PXN: variants seen among roughly 807,000 people sequenced by gnomAD.
PXN encodes the protein paxillin.
A neutral mutation model predicts 103.6 loss-of-function variants in PXN; 61 were observed. That is an observed-to-expected ratio of 0.59 (90% CI 0.48 to 0.73). PXN has a LOEUF of 0.73. PXN is among the 30% of genes least tolerant of loss of function. The pLI is 0.00. For missense variants in PXN, 1,274 were observed against 1,460.3 expected, an observed-to-expected ratio of 0.87 and a Z score of 2.08; for synonymous variants, 562 against 607.8, an observed-to-expected ratio of 0.92 and a Z score of 1.11.
chr12:120,224,354 A>G lies in PXN; in HGVS notation c.37T>C (p.Ser13Pro), dbSNP rs1194180126. 6.2e-7 allele frequency: 1 copy of G among 1,613,638 alleles called. No individual in the cohort carries two copies. Among genetic ancestry groups the G allele is most frequent in the African/African-American group, 1.3e-5 (1 of 74,852 alleles). Reference protein sequence around the residue: ...DLDALLADLESTTSHISKRPV... With the variant: ...DLDALLADLEPTTSHISKRPV... ...CGTTTGGAGATGTGGGAGGTGGTAG[A>G]CTCCAAGTCCGCCAGCAGGGCGTCT... The change falls in exon 2 of 15, where the codon TCT becomes CCT. Residue 13 changes from serine to proline, a missense_variant. Physicochemically the swap from Ser to Pro is moderately conservative, Grantham distance 74. This residue lies in a region of PXN where 1,178 missense variants were observed against 1,309.0 expected (regional missense o/e 0.90). Transcript: ENST00000637617. This position sits in a 1 kb window ranked among gnomAD's most constrained non-coding sequence, Gnocchi z 5.0.
At chr12:120,236,233 C>G (rs1366022194) in intron 1 of PXN, among the ~76,000 whole-genome samples, 2 of 152,266 alleles carry the variant, frequency 1.3e-5, no homozygotes, top group Non-Finnish European at 2.9e-5. Flanking sequence ...GCCACTGGCT[C>G]TCGACCCTGA....
At position 120,215,719 on chromosome 12, in the gene PXN, C is replaced by G; in HGVS notation, c.2302-58G>C. ...CTTTTTTAAAAATTAAGAAAGAATA[C>G]AAGACCTTGTCACTGGACTAAAAGG... is the stretch of plus-strand genomic sequence containing the variant. On this transcript the variant is annotated intron_variant, in intron 9 of 14. Coordinates refer to ENST00000637617, the MANE Select transcript of PXN (RefSeq NM_001385981.1). This position sits in a 1 kb window ranked among gnomAD's most constrained non-coding sequence, Gnocchi z 4.9. 6.6e-7 allele frequency: 1 copy of G among 1,516,434 alleles called. No homozygotes were observed. The highest frequency in any genetic ancestry group is 8.9e-7 in the Non-Finnish European group (1 of 1,125,508). The allele number at this position is 1,516,434 out of a possible 1,614,324, so 93.9% of individuals were successfully genotyped here. A position where few individuals can be genotyped will look rare whatever the true frequency, so the allele number is the denominator to read the frequency against.
In PXN at chr12:120,215,773, C is replaced by T; in HGVS notation, c.2302-112G>A. On this transcript the variant is annotated intron_variant, in intron 9 of 14. Coordinates refer to ENST00000637617, the MANE Select transcript of PXN (RefSeq NM_001385981.1). This position sits in a 1 kb window ranked among gnomAD's most constrained non-coding sequence, Gnocchi z 4.9. Reference sequence around the variant, plus strand: ...TCTAGGATGAGATCTGAGGGTTTCTCCCCCACCGGCAGGACCAAAATTGGG... The same window carrying T: ...TCTAGGATGAGATCTGAGGGTTTCTTCCCCACCGGCAGGACCAAAATTGGG... 3.8e-6 allele frequency: 5 copies of T among 1,302,060 alleles called. No individual in the cohort carries two copies. The highest frequency in any genetic ancestry group is 1.7e-5 in the South Asian group (1 of 57,436). The allele number at this position is 1,302,060 out of a possible 1,614,324, so 80.7% of individuals were successfully genotyped here.
chr12:120,244,797 G>A (rs1038115235), intron 1 of PXN, among the ~76,000 whole-genome samples: 3 of 151,764 alleles, frequency 2.0e-5, no homozygotes, highest in Admixed American at 1.3e-4. Context: ...ACTCCAGCCT[G>A]GGTGACAGAG....
At position 120,222,532 on chromosome 12, in the gene PXN, G is replaced by T; in HGVS notation, c.695+17C>A. 6.3e-7 allele frequency: 1 copy of T among 1,579,508 alleles called. No homozygotes were observed. The highest frequency in any genetic ancestry group is 8.6e-7 in the Non-Finnish European group (1 of 1,163,300). ...GCCAGCCCTTCCCCACCTGGGGAGG[G>T]CCCAGTGGGTACTCACACGGGGCTG... On this transcript the variant is annotated intron_variant, in intron 5 of 14. Transcript: ENST00000637617. The surrounding 1 kb of genome is among the most constrained non-coding windows in gnomAD (Gnocchi z 4.7).
At chr12:120,253,923 C>G (rs1368208559) in intron 1 of PXN, among the ~76,000 whole-genome samples, 1 of 152,114 alleles carries the variant, frequency 6.6e-6, no homozygotes, top group Non-Finnish European at 1.5e-5. Flanking sequence ...CTCTGTCACC[C>G]AAGCTGGAGT....
Position 120,224,344 on chromosome 12 carries a change from G to A in PXN, c.47C>T (p.Ser16Phe). The A allele has an allele frequency of 6.2e-7, 1 of 1,614,004 alleles. No individual in the cohort carries two copies. The highest frequency in any genetic ancestry group is 8.5e-7 in the Non-Finnish European group (1 of 1,179,896). ...GAACACAGGCCGTTTGGAGATGTGG[G>A]AGGTGGTAGACTCCAAGTCCGCCAG... ...ALLADLESTT[S>F]HISKRPVFLS... Residue 16 changes from serine (S) to phenylalanine (F), a missense_variant, in exon 2 of 15, where the codon TCC (serine) becomes TTC (phenylalanine). Transcript: ENST00000637617. This position sits in a 1 kb window ranked among gnomAD's most constrained non-coding sequence, Gnocchi z 5.0.
At chr12:120,264,580 G>T (rs981490449) in intron 1 of PXN, among the ~76,000 whole-genome samples, 1 of 152,212 alleles carries the variant, frequency 6.6e-6, no homozygotes, top group African/African-American at 2.4e-5. Flanking sequence ...CCTAACACCA[G>T]ATCAAGACTG....
At chr12:120,242,149 G>A (rs1282314070) in intron 1 of PXN, among the ~76,000 whole-genome samples, 4 of 152,048 alleles carry the variant, frequency 2.6e-5, no homozygotes, top group Non-Finnish European at 5.9e-5. Context: ...GCCCAAGGAC[G>A]TTTTTCTCTG....
At chr12:120,223,667 C>T (rs893858662) in intron 3 of PXN, 51 bp downstream of exon 3, 2 of 1,422,314 alleles carry the variant, frequency 1.4e-6, no homozygotes, top group Non-Finnish European at 1.9e-6. Context: ...GGCCAGGTCC[C>T]TGAGATTTCT....
chr12:120,250,235 T>A, intron 1 of PXN: 4 of 972,294 alleles, frequency 4.1e-6, no homozygotes, highest in Non-Finnish European at 3.7e-6. Context: ...GGAATGTTCC[T>A]GGAAACAGAG....
At chr12:120,241,601 G>T (rs1413614577) in intron 1 of PXN, among the ~76,000 whole-genome samples, 2 of 152,246 alleles carry the variant, frequency 1.3e-5, no homozygotes, top group African/African-American at 4.8e-5. Context: ...GTGGGAGACT[G>T]TCATAAACGA....
At chr12:120,237,126 C>CAT (rs1555319244) in intron 1 of PXN, among the ~76,000 whole-genome samples, 98 of 142,506 alleles carry the variant, frequency 6.9e-4, no homozygotes, top group Middle Eastern at 7.2e-3. Context: ...TATGTATGTA[C>CAT]GTGTGTGTGT....
At chr12:120,259,894 T>C (rs1893599206) in intron 1 of PXN, among the ~76,000 whole-genome samples, 2 of 152,236 alleles carry the variant, frequency 1.3e-5, no homozygotes, top group South Asian at 4.2e-4. Context: ...CCTCTCCCCC[T>C]CCCATAGGAC....
rs559998219 is a variant in PXN, at chr12:120,225,191, G to A, written c.14-814C>T. On this transcript the variant is annotated intron_variant, in intron 1 of 14. Transcript: ENST00000637617. The surrounding 1 kb of genome is among the most constrained non-coding windows in gnomAD (Gnocchi z 4.4). ...GGGCACTAGGTCTCCCCAGTCTCCA[G>A]AAAAGAAGGGTATAGAAGGGCAGGA... The A allele has an allele frequency of 2.2e-5, 4 of 181,960 alleles. No homozygotes were observed. Among genetic ancestry groups the A allele is most frequent in the Admixed American group, 1.1e-4 (2 of 18,666 alleles). 11.3% of individuals were successfully genotyped at this position (181,960 alleles called of 1,614,324 possible).
chr12:120,252,539 T>C (rs1266746453), intron 1 of PXN, among the ~76,000 whole-genome samples: 3 of 152,122 alleles, frequency 2.0e-5, no homozygotes, highest in African/African-American at 4.8e-5. Context: ...AACTGAGTGG[T>C]TGGCATGGTC....
At chr12:120,233,186 G>C (rs1888394182) in intron 1 of PXN, among the ~76,000 whole-genome samples, 2 of 152,100 alleles carry the variant, frequency 1.3e-5, no homozygotes, top group Non-Finnish European at 2.9e-5. Flanking sequence ...CGAACTTCTT[G>C]GCACCCAGCC....
intron 1 of PXN, among the ~76,000 whole-genome samples, chr12:120,232,027 C>A (rs763522793): frequency 2.0e-4 from 31 of 152,214 alleles, no homozygotes; most frequent in Non-Finnish European, 4.3e-4. Flanking sequence ...CAGAGTCTTT[C>A]TCTTCTTTTT....
At position 120,220,763 on chromosome 12, in the gene PXN, C is replaced by T. The variant is rs917476987; in HGVS notation, c.832-672G>A. 2.6e-5 allele frequency among the ~76,000 whole-genome samples: 4 copies of T among 152,126 alleles called. No individual in the cohort carries two copies. The highest frequency in any genetic ancestry group is 2.0e-4 in the Admixed American group (3 of 15,282). On this transcript the variant is annotated intron_variant, in intron 6 of 14. Transcript: ENST00000637617. This position sits in a 1 kb window ranked among gnomAD's most constrained non-coding sequence, Gnocchi z 6.1. The stretch of plus-strand genomic sequence containing the variant: ...GGCCAGGCTCAACCCTCCACCCCAG[C>T]CACACTCCTGTCTCCCACCATGAAA...
Sources: allele counts gnomAD v4.1 joint callset (sites outside exome capture counted in the v4.1 genomes callset), GRCh38; gene constraint gnomAD v4.1.1; regional missense constraint gnomAD v4.1.1; non-coding constraint Gnocchi (gnomAD v3.1); transcripts MANE v1.5; gene names NCBI Gene and HGNC (gene_info 2026-07-23, HGNC 2026-07-21).